Variants in CCSER2 observed in about 807,000 individuals in gnomAD.
CCSER2 encodes the protein serine-rich coiled-coil domain-containing protein 2.
Under a neutral mutation model 92.3 loss-of-function variants are expected in CCSER2, and 46 were observed. That is an observed-to-expected ratio of 0.50 (90% CI 0.39 to 0.64). The LOEUF is 0.64. CCSER2 is among the 30% of genes least tolerant of loss of function. The pLI, the probability that CCSER2 is intolerant of heterozygous loss-of-function variation, is 0.00. For missense variants in CCSER2, 1,244 were observed against 1,238.9 expected (o/e 1.00, Z -0.06); for synonymous variants, 433 against 431.4 (o/e 1.00, Z -0.04).
rs1371982035 is a variant in CCSER2 at position 84,328,595 on chromosome 10, C to G, written c.-253C>G. Reference sequence around the variant, plus strand: ...TGCGCCGGCCCTGGAGGGCGGAGTCCGGGCGGGCGCCGGCCGAGGGAGGGG... The same window carrying G: ...TGCGCCGGCCCTGGAGGGCGGAGTCGGGGCGGGCGCCGGCCGAGGGAGGGG... On this transcript the variant is annotated 5_prime_UTR_variant, in exon 1 of 10. Coordinates refer to ENST00000372088, the MANE Select transcript of CCSER2 (RefSeq NM_001284240.2). 1 of 150,422 alleles carries G rather than the reference C, an allele frequency of 6.6e-6. No individual in the cohort carries two copies. Among genetic ancestry groups the G allele is most frequent in the African/African-American group, 2.4e-5 (1 of 41,126 alleles). 9.3% of individuals were successfully genotyped at this position (150,422 alleles called of 1,614,324 possible). A position where few individuals can be genotyped will look rare whatever the true frequency, so the allele number is the denominator to read the frequency against.
intron 3 of CCSER2, among the ~76,000 whole-genome samples, chr10:84,376,143 A>G (rs577440948): frequency 2.0e-5 from 3 of 152,126 alleles, no homozygotes; most frequent in African/African-American, 7.2e-5. Context: ...AATCATGTCA[A>G]GGATCCCAAC....
chr10:84,444,068 C>A (rs537150267), intron 6 of CCSER2, among the ~76,000 whole-genome samples: 1 of 151,956 alleles, frequency 6.6e-6, no homozygotes, highest in Non-Finnish European at 1.5e-5. Context: ...TGTAGCAAAC[C>A]GCTATGGCAC....
chr10:84,359,029 T>C (rs777399165), intron 1 of CCSER2, among the ~76,000 whole-genome samples: 5 of 152,212 alleles, frequency 3.3e-5, no homozygotes, highest in Non-Finnish European at 5.9e-5. Flanking sequence ...CTTTGCTTAG[T>C]GAAGTTTGCT....
At chr10:84,477,781 TG>T (rs1165271179) in intron 9 of CCSER2, 117 bp downstream of exon 9, 1 of 609,938 alleles carries the variant, frequency 1.6e-6, no homozygotes, top group Non-Finnish European at 2.9e-6. Flanking sequence ...TTAATTTTTT[TG>T]TAGGTAATTT....
chr10:84,478,672 G>A (rs1197481812), intron 9 of CCSER2, among the ~76,000 whole-genome samples: 1 of 152,136 alleles, frequency 6.6e-6, no homozygotes, highest in Non-Finnish European at 1.5e-5. Flanking sequence ...TGGGGAATTA[G>A]GGAAGGAAAT....
chr10:84,448,079 C>G (rs184895749), intron 6 of CCSER2, among the ~76,000 whole-genome samples: 34 of 152,178 alleles, frequency 2.2e-4, no homozygotes, highest in Admixed American at 2.0e-3. Context: ...CTCTGATACT[C>G]CACACCAATC....
At chr10:84,359,823 T>A (rs149174276) in intron 1 of CCSER2, among the ~76,000 whole-genome samples, 2,994 of 152,234 alleles carry the variant, frequency 0.02, 48 homozygotes, top group South Asian at 0.07. Context: ...TATTTTATTT[T>A]TTTTTTCTGA....
rs773461242 is a variant in CCSER2 at position 84,477,604 on chromosome 10, TAA to T, written c.2267_2268del (p.Lys756ArgfsTer8). 6.2e-7 allele frequency: 1 copy of T among 1,612,424 alleles called. No individual in the cohort carries two copies. Among genetic ancestry groups the T allele is most frequent in the Non-Finnish European group, 8.5e-7 (1 of 1,178,834 alleles). Reference sequence around the variant, plus strand: ...CTCAGCATATCTGCCACCAAAAATGTAAAGAGGAAAAATGCACTTATGCTGAT... The same window carrying T: ...CTCAGCATATCTGCCACCAAAAATGTAGAGGAAAAATGCACTTATGCTGAT... ...ATQHICHQKC[K>X]EEKCTYADKY... On this transcript the variant is annotated frameshift_variant, in exon 9 of 10. Coordinates refer to ENST00000372088, the MANE Select transcript of CCSER2 (RefSeq NM_001284240.2). LOFTEE classifies it high-confidence loss of function.
At chr10:84,506,054 A>T (rs1849024615) in intron 9 of CCSER2, among the ~76,000 whole-genome samples, 2 of 151,786 alleles carry the variant, frequency 1.3e-5, no homozygotes, top group South Asian at 4.2e-4. Flanking sequence ...TGTCTTTGAG[A>T]TATAGACCCA....
intron 5 of CCSER2, among the ~76,000 whole-genome samples, chr10:84,426,412 G>A (rs1263025850): frequency 6.6e-6 from 1 of 152,138 alleles, no homozygotes; most frequent in East Asian, 1.9e-4. Context: ...AGGCTCCGTA[G>A]TCATTCAAAC....
intron 1 of CCSER2, among the ~76,000 whole-genome samples, chr10:84,336,501 GAA>G: frequency 6.6e-6 from 1 of 152,348 alleles, no homozygotes; most frequent in Non-Finnish European, 1.5e-5. Flanking sequence ...AGATCTTGAA[GAA>G]AGAATGTGAT....
chr10:84,362,111 C>T (rs762464186), intron 1 of CCSER2, among the ~76,000 whole-genome samples: 1 of 152,092 alleles, frequency 6.6e-6, no homozygotes, highest in Non-Finnish European at 1.5e-5. Flanking sequence ...GCCTAGTAGT[C>T]TTCCATCCAT....
chr10:84,485,627 T>A (rs1311620232), intron 9 of CCSER2, among the ~76,000 whole-genome samples: 3 of 152,322 alleles, frequency 2.0e-5, no homozygotes, highest in East Asian at 3.9e-4. Context: ...TTCAAATAAA[T>A]AATAAAGATG....
chr10:84,455,310 T>TAACTC (rs61132021), intron 6 of CCSER2: 1 of 146,880 alleles, frequency 6.8e-6, no homozygotes, highest in Non-Finnish European at 1.5e-5. Flanking sequence ...GAAAGAGTCT[T>TAACTC]TGTCGCCCAG....
chr10:84,434,916 A>G (rs1844013691), intron 5 of CCSER2, among the ~76,000 whole-genome samples: 1 of 152,154 alleles, frequency 6.6e-6, no homozygotes, highest in Non-Finnish European at 1.5e-5. Context: ...AATTAATAAG[A>G]TATGGCTCTG....
rs1005756720 is a variant in CCSER2 at position 84,517,680 on chromosome 10, T to C, written c.*3413T>C. ...AAATATATTCCCAGCATGTCACTTT[T>C]CCATTAAAGCACTAAGTTTTCTTTG... is the stretch of plus-strand genomic sequence containing the variant. On this transcript the variant is annotated 3_prime_UTR_variant, in exon 10 of 10. Coordinates refer to ENST00000372088, the MANE Select transcript of CCSER2 (RefSeq NM_001284240.2). 3 of 152,662 alleles carry C rather than the reference T, an allele frequency of 2.0e-5. No individual in the cohort carries two copies. Among genetic ancestry groups the C allele is most frequent in the Non-Finnish European group, 4.4e-5 (3 of 68,050 alleles). 9.5% of individuals were successfully genotyped at this position (152,662 alleles called of 1,614,324 possible).
intron 3 of CCSER2, among the ~76,000 whole-genome samples, chr10:84,410,293 C>T (rs7907394): frequency 0.015 from 2,266 of 152,182 alleles, 55 homozygotes; most frequent in African/African-American, 0.051. Context: ...AATGGGATTA[C>T]TGGGTCAAAT....
intron 1 of CCSER2, among the ~76,000 whole-genome samples, chr10:84,339,532 A>G (rs1844054610): frequency 6.6e-6 from 1 of 150,812 alleles, no homozygotes; most frequent in Non-Finnish European, 1.5e-5. Flanking sequence ...CTGGAGTGCA[A>G]TGGCGTGATC....
Position 84,435,593 on chromosome 10 carries a change from A to G in CCSER2, c.1869-2919A>G, listed in dbSNP as rs538859494. On this transcript the variant is annotated intron_variant, in intron 5 of 9. Transcript: ENST00000372088. ...GAATCTTGGAGATATAAGCTTTTAAAAAAAATTCTAGTGGGTAAAATACAT... is the reference window on the plus strand; with the variant it reads ...GAATCTTGGAGATATAAGCTTTTAAGAAAAATTCTAGTGGGTAAAATACAT... 3.3e-5 allele frequency among the ~76,000 whole-genome samples: 5 copies of G among 151,666 alleles called. No individual in the cohort carries two copies. In the East Asian group the frequency reaches 9.7e-4, roughly 29 times the overall value.
Sources: gnomAD v4.1 joint callset for allele counts (sites outside exome capture counted in the v4.1 genomes callset) on GRCh38, gnomAD v4.1.1 for gene constraint, MANE v1.5 for transcripts, NCBI Gene and HGNC (gene_info 2026-07-23, HGNC 2026-07-21) for gene names.